BAAT: variants seen among roughly 807,000 people sequenced by gnomAD.
BAAT encodes the protein bile acid-CoA:amino acid N-acyltransferase, also known as bile acid CoA: amino acid N-acyltransferase (glycine N-choloyltransferase).
A neutral mutation model predicts 18.9 loss-of-function variants in BAAT; 13 were observed. The ratio of observed to expected loss-of-function variants is 0.69; its 90% CI spans 0.45 to 1.10. The LOEUF (loss-of-function observed/expected upper bound fraction) is 1.10, where lower values mean the gene tolerates loss of function less well. Among genes scored for constraint, BAAT ranks in the 50% least tolerant of loss-of-function variants. The pLI is 0.00. For synonymous variants in BAAT, 170 were observed against 190.7 expected (o/e 0.89, Z 0.89); for missense variants, 489 against 504.0 (o/e 0.97, Z 0.28).
At position 101,367,131 on chromosome 9, in the gene BAAT, A is replaced by C. The variant is rs995877912; in HGVS notation, c.669+989T>G. On this transcript the variant is annotated intron_variant, in intron 3 of 3. Coordinates refer to ENST00000259407, the MANE Select transcript of BAAT (RefSeq NM_001701.4). ...GTCAAAAAAAGAAAAAAAAAAAAAA[A>C]AAAGGAAAGGAAAGAAAAAATATTG... Among the ~76,000 whole-genome samples, 715 of 151,446 alleles carry C rather than the reference A, an allele frequency of 4.7e-3. 5 individuals are homozygous for C. Among genetic ancestry groups the C allele is most frequent in the African/African-American group, 0.017 (687 of 41,206 alleles).
At chr9:101,363,071 A>C in intron 3 of BAAT, 56 bp from the exon 4 acceptor site, 1 of 1,502,018 alleles carries the variant, frequency 6.7e-7, no homozygotes, top group South Asian at 1.1e-5. Flanking sequence ...GGAAAACTCC[A>C]CAATCTCAAA....
intron 3 of BAAT, among the ~76,000 whole-genome samples, chr9:101,366,020 TAC>T (rs1362488489): frequency 6.6e-6 from 1 of 152,126 alleles, no homozygotes; most frequent in African/African-American, 2.4e-5. Context: ...TTTGGAAATA[TAC>T]AATACATTAT....
chr9:101,378,727 A>G (rs2119037477), intron 1 of BAAT, among the ~76,000 whole-genome samples: 1 of 152,338 alleles, frequency 6.6e-6, no homozygotes, highest in South Asian at 2.1e-4. Context: ...AAATTGACAA[A>G]TGGGATCTAA....
chr9:101,377,732 A>C (rs189876418), intron 1 of BAAT, among the ~76,000 whole-genome samples: 1 of 152,314 alleles, frequency 6.6e-6, no homozygotes, highest in Non-Finnish European at 1.5e-5. Flanking sequence ...CCTATTCAAC[A>C]AAGTATTGGA....
intron 3 of BAAT, among the ~76,000 whole-genome samples, chr9:101,363,563 C>A (rs566828427): frequency 6.6e-6 from 1 of 151,748 alleles, no homozygotes; most frequent in Admixed American, 6.6e-5. Context: ...ATCTATCCTA[C>A]GGCAAGCACT....
Position 101,365,408 on chromosome 9 carries a change from A to C in BAAT, c.670-2393T>G, listed in dbSNP as rs769760638. On this transcript the variant is annotated intron_variant, in intron 3 of 3. Coordinates refer to ENST00000259407, the MANE Select transcript of BAAT (RefSeq NM_001701.4). ...GGGAAAAAAAAAACTAAACAAATGG[A>C]ATGAGTCATATATACTCTCTATTTC... 4.9e-4 allele frequency among the ~76,000 whole-genome samples: 74 copies of C among 152,144 alleles called. 2 individuals are homozygous for C. Among genetic ancestry groups the C allele is most frequent in the Non-Finnish European group, 1.2e-4 (8 of 68,024 alleles).
chr9:101,362,450 G>A lies in BAAT; in HGVS notation c.1235C>T (p.Pro412Leu). The change falls in exon 4 of 4, where the codon CCA becomes CTA. Residue 412 changes from proline to leucine, a missense_variant. Pro to Leu is a moderately conservative substitution (Grantham distance 98, BLOSUM62 -3). Transcript: ENST00000259407. ...TTCTTAGAGTTGACTGGTCACATCT[G>A]GAATGAGGTGCTTCCTGAGAAATCT... is the stretch of plus-strand genomic sequence containing the variant. ...IQRFLRKHLI[P>L]DVTSQL 1 of 1,614,042 alleles carries A rather than the reference G, an allele frequency of 6.2e-7. No individual in the cohort carries two copies. Among genetic ancestry groups the A allele is most frequent in the Non-Finnish European group, 8.5e-7 (1 of 1,179,970 alleles).
At position 101,371,390 on chromosome 9, in the gene BAAT, T is replaced by C. The variant is rs140834712; in HGVS notation, c.15A>G (p.Thr5=). Residue 5 remains threonine (T), a synonymous_variant, in exon 2 of 4, where the codon ACA becomes ACG. Coordinates refer to ENST00000259407, the MANE Select transcript of BAAT (RefSeq NM_001701.4). MIQL[T]ATPVSALVDE... is the part of the protein sequence containing the mutation. ...CAACAAGTGCACTCACAGGGGTAGC[T>C]GTCAACTGGATCATTTTTTTAGTGT... The C allele has an allele frequency of 1.2e-6, 2 of 1,610,716 alleles. No homozygotes were observed. The highest frequency in any genetic ancestry group is 1.7e-5 in the Admixed American group (1 of 59,982).
At chr9:101,382,258 A>G (rs2119041761) in intron 1 of BAAT, among the ~76,000 whole-genome samples, 1 of 152,348 alleles carries the variant, frequency 6.6e-6, no homozygotes, top group East Asian at 1.9e-4. Context: ...GGCAGCTTTC[A>G]GGAACTGGGC....
At chr9:101,372,136 C>T (rs111427449) in intron 1 of BAAT, among the ~76,000 whole-genome samples, 3,166 of 152,092 alleles carry the variant, frequency 0.021, 126 homozygotes, top group African/African-American at 0.072. Flanking sequence ...ACAGAAGACA[C>T]TGGGGACTGC....
intron 2 of BAAT, among the ~76,000 whole-genome samples, chr9:101,370,320 C>CTTT (rs749077224): frequency 1.6e-4 from 17 of 103,670 alleles, no homozygotes; most frequent in South Asian, 3.6e-4. Context: ...ATGCATTATC[C>CTTT]TTTTTTTTTT....
chr9:101,365,616 A>C (rs1398213490), intron 3 of BAAT, among the ~76,000 whole-genome samples: 2 of 151,952 alleles, frequency 1.3e-5, no homozygotes, highest in Non-Finnish European at 2.9e-5. Context: ...GGCTCACTGC[A>C]ACCTCCGCCT....
chr9:101,374,474 C>T (rs1830006297), intron 1 of BAAT, among the ~76,000 whole-genome samples: 1 of 152,126 alleles, frequency 6.6e-6, no homozygotes, highest in South Asian at 2.1e-4. Flanking sequence ...CAGATATTTT[C>T]ATAAATCTTG....
chr9:101,372,119 A>T (rs1204584606), intron 1 of BAAT, among the ~76,000 whole-genome samples: 1 of 152,130 alleles, frequency 6.6e-6, no homozygotes, highest in Non-Finnish European at 1.5e-5. Context: ...ACACACGGAC[A>T]TTGGGAACAG....
intron 1 of BAAT, among the ~76,000 whole-genome samples, chr9:101,373,815 G>C (rs1191617127): frequency 1.3e-5 from 2 of 152,220 alleles, no homozygotes; most frequent in African/African-American, 2.4e-5. Context: ...AAAGGTCTCG[G>C]GGGTAGGGGC....
rs890746215 is a variant in BAAT, at chr9:101,362,165, A to C, written c.*263T>G. 1.4e-5 allele frequency: 8 copies of C among 566,916 alleles called. No individual in the cohort carries two copies. The Admixed American group carries it at 2.4e-4, about 17-fold the overall frequency. 35.1% of individuals were successfully genotyped at this position (566,916 alleles called of 1,614,324 possible). A position where few individuals can be genotyped will look rare whatever the true frequency, so the allele number is the denominator to read the frequency against. On this transcript the variant is annotated 3_prime_UTR_variant, in exon 4 of 4. Transcript: ENST00000259407. ...TGCCAGTGTACTATACCTCAGTCCT[A>C]TTTAGAAGACCTGATGGAAAGAAAA...
intron 3 of BAAT, among the ~76,000 whole-genome samples, chr9:101,364,226 A>G (rs1025855230): frequency 6.6e-6 from 1 of 152,184 alleles, no homozygotes; most frequent in South Asian, 2.1e-4. Context: ...CAAGGCCAAC[A>G]TATTCTACCT....
At position 101,371,636 on chromosome 9, in the gene BAAT, C is replaced by T. The variant is rs114506046; in HGVS notation, c.-59-173G>A. On this transcript the variant is annotated intron_variant, in intron 1 of 3. Coordinates refer to ENST00000259407, the MANE Select transcript of BAAT (RefSeq NM_001701.4). ...ACACCTGAGAGCTTTCAATGAATTT[C>T]CAGAAGACAGTAAGCAAGCTGACAA... is the stretch of plus-strand genomic sequence containing the variant. Among the ~76,000 whole-genome samples the T allele has an allele frequency of 5.7e-3, 872 of 152,168 alleles. 11 individuals carry two copies. The highest frequency in any genetic ancestry group is 0.019 in the African/African-American group (787 of 41,520).
At chr9:101,370,318 TC>T (rs1199039822) in intron 2 of BAAT, among the ~76,000 whole-genome samples, 5 of 146,158 alleles carry the variant, frequency 3.4e-5, no homozygotes, top group Admixed American at 6.9e-5. Context: ...GCATGCATTA[TC>T]CTTTTTTTTT....
Sources: allele counts gnomAD v4.1 joint callset (sites outside exome capture counted in the v4.1 genomes callset), GRCh38; gene constraint gnomAD v4.1.1; transcripts MANE v1.5; gene names NCBI Gene and HGNC (gene_info 2026-07-23, HGNC 2026-07-21).